Variants in GPR137B observed in about 807,000 individuals in gnomAD.
The protein encoded by GPR137B is G protein-coupled receptor 137B.
A neutral mutation model predicts 42.5 loss-of-function variants in GPR137B; 42 were observed. The ratio of observed to expected loss-of-function variants is 0.99; its 90% CI spans 0.77 to 1.28. The LOEUF is 1.28. GPR137B is among the 50% of genes most tolerant of loss of function. The pLI, the probability that GPR137B is intolerant of heterozygous loss-of-function variation, is 0.00. For missense variants in GPR137B, 487 were observed against 493.9 expected (o/e 0.99, Z 0.13); for synonymous variants, 218 against 209.7 (o/e 1.04, Z -0.34).
At chr1:236,145,567 C>T (rs1276816885) in intron 1 of GPR137B, among the ~76,000 whole-genome samples, 6 of 152,172 alleles carry the variant, frequency 3.9e-5, no homozygotes, top group Non-Finnish European at 8.8e-5. Flanking sequence ...CCATGTTGAC[C>T]AGGATGGTCT....
intron 1 of GPR137B, among the ~76,000 whole-genome samples, chr1:236,162,963 G>A (rs111354724): frequency 0.034 from 5,222 of 152,276 alleles, 346 homozygotes; most frequent in African/African-American, 0.12. Flanking sequence ...ACCTCAGAAT[G>A]GTATATCCAC....
At position 236,155,050 on chromosome 1, in the gene GPR137B, C is replaced by T. The variant is rs114716339; in HGVS notation, c.414+12014C>T. On this transcript the variant is annotated intron_variant, in intron 1 of 6. Coordinates refer to ENST00000366592, the MANE Select transcript of GPR137B (RefSeq NM_003272.4). The surrounding 1 kb of genome is among the most constrained non-coding windows in gnomAD (Gnocchi z 4.6). ...TGTGTGGCCACAGCCCTTGTCATTC[C>T]CAAGGCCAAAGAGAGAGAATCCTGC... 8.5e-3 allele frequency among the ~76,000 whole-genome samples: 1,292 copies of T among 152,344 alleles called. 19 individuals are homozygous for T. The highest frequency in any genetic ancestry group is 0.029 in the African/African-American group (1,201 of 41,586).
At chr1:236,205,294 G>A (rs751214911) in intron 6 of GPR137B, 44 bp downstream of exon 6, 27 of 1,544,992 alleles carry the variant, frequency 1.7e-5, no homozygotes, top group Non-Finnish European at 2.2e-5. Context: ...CAGGAGGGAA[G>A]GGTTACACCA....
At chr1:236,182,751 A>AAAT in intron 4 of GPR137B, among the ~76,000 whole-genome samples, 1 of 152,092 alleles carries the variant, frequency 6.6e-6, no homozygotes, top group South Asian at 2.1e-4. Context: ...ACAAACAAAA[A>AAAT]ATATATATAT....
At position 236,178,803 on chromosome 1, in the gene GPR137B, T is replaced by G. The variant is rs1369590852; in HGVS notation, c.687+167T>G. ...ACTCGAGGTTTTTTTTTTTTTTTTT[T>G]TTTTTTTTTTTTGAGACGGAGTCTC... is the stretch of plus-strand genomic sequence containing the variant. On this transcript the variant is annotated intron_variant, in intron 3 of 6. Coordinates refer to ENST00000366592, the MANE Select transcript of GPR137B (RefSeq NM_003272.4). 2.6e-4 allele frequency among the ~76,000 whole-genome samples: 25 copies of G among 95,590 alleles called. 1 individual carries two copies. Among genetic ancestry groups the G allele is most frequent in the African/African-American group, 6.5e-4 (19 of 29,312 alleles). 62.7% of individuals were successfully genotyped at this position (95,590 alleles called of 152,430 possible).
At chr1:236,203,350 T>A (rs1663555176) in intron 5 of GPR137B, among the ~76,000 whole-genome samples, 1 of 152,176 alleles carries the variant, frequency 6.6e-6, no homozygotes, top group Admixed American at 6.5e-5. Flanking sequence ...GTGCTGGGAT[T>A]ACAGGTGTGA....
intron 1 of GPR137B, among the ~76,000 whole-genome samples, chr1:236,144,633 G>T (rs1661632388): frequency 6.6e-6 from 1 of 152,240 alleles, no homozygotes; most frequent in African/African-American, 2.4e-5. Context: ...AATGCGTATT[G>T]CCTGTCCAAG....
chr1:236,164,886 AAGAG>A (rs10581092), intron 1 of GPR137B, among the ~76,000 whole-genome samples: 5,474 of 143,542 alleles, frequency 0.038, 164 homozygotes, highest in East Asian at 0.11. Flanking sequence ...AGATGAATTC[AAGAG>A]AGAGAGAGAG....
intron 1 of GPR137B, among the ~76,000 whole-genome samples, chr1:236,162,202 G>T (rs1662222707): frequency 6.6e-6 from 1 of 152,284 alleles, no homozygotes. Context: ...AAAGAGATTG[G>T]TGGCATTTTA....
Position 236,208,455 on chromosome 1 carries a change from G to GTT in GPR137B, c.*305_*306dup, listed in dbSNP as rs11442550. ...AATAATAATGCTAAAGTATACTAGGGTTTTTTTTTCTTGAGAATGTTACTG... is the reference window on the plus strand; with the variant it reads ...AATAATAATGCTAAAGTATACTAGGGTTTTTTTTTTTCTTGAGAATGTTACTG... On this transcript the variant is annotated 3_prime_UTR_variant, in exon 7 of 7. Transcript: ENST00000366592. The GTT allele has an allele frequency of 1.7e-3, 1,432 of 824,354 alleles. No individual in the cohort carries two copies. The highest frequency in any genetic ancestry group is 3.7e-3 in the African/African-American group (200 of 53,558). 51.1% of individuals were successfully genotyped at this position (824,354 alleles called of 1,614,324 possible).
At chr1:236,207,833 A>G (rs190791975) in intron 6 of GPR137B, among the ~76,000 whole-genome samples, 1 of 151,288 alleles carries the variant, frequency 6.6e-6, no homozygotes, top group African/African-American at 2.4e-5. Context: ...CATGCTGTAT[A>G]CTCTGTGCTC....
At chr1:236,198,607 A>T (rs1663408872) in intron 5 of GPR137B, among the ~76,000 whole-genome samples, 1 of 152,038 alleles carries the variant, frequency 6.6e-6, no homozygotes, top group African/African-American at 2.4e-5. Context: ...AGCATGGGGG[A>T]TGTGTTTCCA....
intron 5 of GPR137B, among the ~76,000 whole-genome samples, chr1:236,196,315 T>A (rs1174343178): frequency 2.0e-5 from 3 of 152,060 alleles, no homozygotes; most frequent in African/African-American, 7.2e-5. Context: ...AATTTTTGTA[T>A]TTTTGGTATA....
In GPR137B at chr1:236,142,739, C is replaced by T. The variant is rs1488526236; in HGVS notation, c.117C>T (p.Pro39=). Residue 39 remains proline (P), a synonymous_variant, in exon 1 of 7, where the codon CCC becomes CCT. Coordinates refer to ENST00000366592, the MANE Select transcript of GPR137B (RefSeq NM_003272.4). ...CCACGCTGACCCCGGCCGTGCCCCC[C>T]TACGTGAAGCTTGGCCTCACCGTCG... ...LPPTLTPAVP[P]YVKLGLTVVY... 6.2e-7 allele frequency: 1 copy of T among 1,607,902 alleles called. No homozygotes were observed. Among genetic ancestry groups the T allele is most frequent in the Admixed American group, 1.7e-5 (1 of 59,742 alleles).
At chr1:236,202,294 T>G (rs1226734398) in intron 5 of GPR137B, among the ~76,000 whole-genome samples, 2 of 152,098 alleles carry the variant, frequency 1.3e-5, no homozygotes, top group Admixed American at 1.3e-4. Flanking sequence ...TTGGAGGCAG[T>G]AGAATTAGCT....
At chr1:236,201,376 C>T (rs549118138) in intron 5 of GPR137B, among the ~76,000 whole-genome samples, 14 of 150,250 alleles carry the variant, frequency 9.3e-5, no homozygotes, top group African/African-American at 3.5e-4. Context: ...AATATGTTTT[C>T]CAAACTTTAG....
rs762482498 is a variant in GPR137B at position 236,155,996 on chromosome 1, C to T, written c.415-12710C>T. On this transcript the variant is annotated intron_variant, in intron 1 of 6. Coordinates refer to ENST00000366592, the MANE Select transcript of GPR137B (RefSeq NM_003272.4). The surrounding 1 kb of genome is among the most constrained non-coding windows in gnomAD (Gnocchi z 4.6). ...GCACACACACGCGCGCGCGCAAACACACATGCATACACCTGAGGAAGGATC... is the reference window on the plus strand; with the variant it reads ...GCACACACACGCGCGCGCGCAAACATACATGCATACACCTGAGGAAGGATC... Among the ~76,000 whole-genome samples the T allele has an allele frequency of 7.9e-5, 12 of 152,210 alleles. No individual in the cohort carries two copies. Among genetic ancestry groups the T allele is most frequent in the Non-Finnish European group, 1.5e-4 (10 of 68,048 alleles).
chr1:236,194,850 T>C (rs12036503), intron 5 of GPR137B, among the ~76,000 whole-genome samples: 25,802 of 152,080 alleles, frequency 0.17, 2,547 homozygotes, highest in African/African-American at 0.25. Flanking sequence ...AGGCAGGAGA[T>C]GGAAATGGGA....
intron 4 of GPR137B, among the ~76,000 whole-genome samples, chr1:236,181,492 T>C (rs1003081191): frequency 6.6e-6 from 1 of 152,254 alleles, no homozygotes; most frequent in Non-Finnish European, 1.5e-5. Flanking sequence ...TTCTCTATTA[T>C]ACATTTATTA....
Sources: allele counts gnomAD v4.1 joint callset (sites outside exome capture counted in the v4.1 genomes callset), GRCh38; gene constraint gnomAD v4.1.1; non-coding constraint Gnocchi (gnomAD v3.1); transcripts MANE v1.5; gene names NCBI Gene and HGNC (gene_info 2026-07-23, HGNC 2026-07-21).